Variants in RAB27A observed in about 807,000 individuals in gnomAD.
RAB27A encodes the protein RAB27A, member RAS oncogene family, also known as ras-related protein Rab-27A.
Under a neutral mutation model 20.8 loss-of-function variants are expected in RAB27A, and 17 were observed. That is an observed-to-expected ratio of 0.82 (90% CI 0.56 to 1.23). RAB27A has a LOEUF of 1.23. RAB27A is among the 50% of genes most tolerant of loss of function. RAB27A has a pLI of 0.00. For synonymous variants in RAB27A, 85 were observed against 92.8 expected (o/e 0.92, Z 0.48); for missense variants, 277 against 266.7 (o/e 1.04, Z -0.27).
intron 2 of RAB27A, among the ~76,000 whole-genome samples, chr15:55,303,626 C>CT (rs2054984318): frequency 9.5e-6 from 1 of 105,340 alleles, no homozygotes; most frequent in South Asian, 3.9e-4. Flanking sequence ...GTCGGCCCCC[C>CT]GCCCGGCCAG....
chr15:55,249,657 T>C (rs1896816596), intron 2 of RAB27A, among the ~76,000 whole-genome samples: 1 of 152,234 alleles, frequency 6.6e-6, no homozygotes, highest in South Asian at 2.1e-4. Flanking sequence ...CAAAATTACA[T>C]ACATTCTAGT....
At chr15:55,211,880 C>G in intron 6 of RAB27A, among the ~76,000 whole-genome samples, 1 of 150,586 alleles carries the variant, frequency 6.6e-6, no homozygotes, top group East Asian at 1.9e-4. Context: ...TCCAAAACTA[C>G]TAACTAGAAG....
upstream of RAB27A, among the ~76,000 whole-genome samples, chr15:55,293,190 A>G (rs1347406782): frequency 6.6e-6 from 1 of 152,154 alleles, no homozygotes; most frequent in African/African-American, 2.4e-5. Flanking sequence ...GAATTCATGG[A>G]TTTTAATAAA....
At chr15:55,316,127 T>C (rs897013994) in intron 1 of RAB27A, among the ~76,000 whole-genome samples, 4 of 149,896 alleles carry the variant, frequency 2.7e-5, no homozygotes, top group Non-Finnish European at 5.9e-5. Context: ...AGCTACTACG[T>C]AGGCTGAGGC....
At chr15:55,269,227 T>C (rs1897619945) in intron 2 of RAB27A, among the ~76,000 whole-genome samples, 1 of 152,168 alleles carries the variant, frequency 6.6e-6, no homozygotes, top group African/African-American at 2.4e-5. Flanking sequence ...ACTAATACAA[T>C]ATCCAGAAGT....
intron 6 of RAB27A, among the ~76,000 whole-genome samples, chr15:55,210,075 T>C: frequency 8.7e-6 from 1 of 114,322 alleles, no homozygotes; most frequent in South Asian, 3.0e-4. Flanking sequence ...TGTGTACATA[T>C]ACATATATAC....
At chr15:55,279,806 G>A (rs1403916136) in intron 1 of RAB27A, among the ~76,000 whole-genome samples, 5 of 152,210 alleles carry the variant, frequency 3.3e-5, no homozygotes, top group African/African-American at 7.2e-5. Flanking sequence ...AAGGAAAGCA[G>A]ATGGCCAGGA....
At chr15:55,318,001 TAAG>T (rs1216603521) in intron 1 of RAB27A, 1 of 324,252 alleles carries the variant, frequency 3.1e-6, no homozygotes, top group East Asian at 4.6e-5. Flanking sequence ...TATAAATACA[TAAG>T]GAGTACAGGA....
intron 2 of RAB27A, among the ~76,000 whole-genome samples, chr15:55,240,208 T>C (rs1896425928): frequency 6.6e-6 from 1 of 152,148 alleles, no homozygotes; most frequent in Non-Finnish European, 1.5e-5. Flanking sequence ...ACGTAAATGA[T>C]TTTTGTGTTG....
At chr15:55,257,643 T>G (rs1456016694) in intron 2 of RAB27A, among the ~76,000 whole-genome samples, 1 of 152,172 alleles carries the variant, frequency 6.6e-6, no homozygotes, top group African/African-American at 2.4e-5. Context: ...CTCCTCAGAT[T>G]CCAAACTTAG....
intron 1 of RAB27A, among the ~76,000 whole-genome samples, chr15:55,280,025 A>G (rs1021709948): frequency 4.6e-5 from 7 of 152,158 alleles, no homozygotes; most frequent in African/African-American, 1.7e-4. Flanking sequence ...GAAAATCTGC[A>G]TTTCTATGTT....
At chr15:55,315,783 C>T (rs1008914569) in intron 1 of RAB27A, among the ~76,000 whole-genome samples, 1 of 152,118 alleles carries the variant, frequency 6.6e-6, no homozygotes, top group Non-Finnish European at 1.5e-5. Context: ...TGGAGAAATA[C>T]GAACGCTTTT....
chr15:55,250,899 A>G (rs771146223), intron 2 of RAB27A, among the ~76,000 whole-genome samples: 39 of 152,326 alleles, frequency 2.6e-4, no homozygotes, highest in Middle Eastern at 6.8e-3. Context: ...AAAATCTTAC[A>G]TGGCACCCCA....
chr15:55,258,619 T>C (rs918270968), intron 2 of RAB27A, among the ~76,000 whole-genome samples: 4 of 152,266 alleles, frequency 2.6e-5, no homozygotes, highest in Non-Finnish European at 4.4e-5. Flanking sequence ...GTCAAATTGC[T>C]GTCCAATATA....
intron 2 of RAB27A, chr15:55,269,776 AT>A (rs1167248674): frequency 6.6e-6 from 1 of 152,176 alleles, no homozygotes; most frequent in Non-Finnish European, 1.5e-5. Flanking sequence ...AACAAAAGCT[AT>A]TAATACTATC....
At chr15:55,316,434 TG>T (rs1167633371) in intron 1 of RAB27A, among the ~76,000 whole-genome samples, 1 of 5,270 alleles carries the variant, frequency 1.9e-4, no homozygotes, top group African/African-American at 1.1e-3. Context: ...CGGGGGCGGG[TG>T]GGGGGCAAGG....
chr15:55,218,144 G>C lies in RAB27A; in HGVS notation c.467+5745C>G, dbSNP rs549265025. ...TTCTGTCAAATGGCTGTAGATATTT[G>C]GCTCACATGTAGATCTAGAAATTAT... On this transcript the variant is annotated intron_variant, in intron 6 of 6. Transcript: ENST00000336787. Among the ~76,000 whole-genome samples, 3 of 152,304 alleles carry C rather than the reference G, an allele frequency of 2.0e-5. No individual in the cohort carries two copies. In the East Asian group the frequency reaches 5.8e-4, roughly 29 times the overall value.
intron 1 of RAB27A, among the ~76,000 whole-genome samples, chr15:55,275,044 A>C (rs1396264768): frequency 2.6e-5 from 4 of 151,644 alleles, no homozygotes; most frequent in African/African-American, 9.7e-5. Flanking sequence ...TGAGGTCACG[A>C]GTTCAAGACC....
intron 6 of RAB27A, among the ~76,000 whole-genome samples, chr15:55,218,930 C>T (rs1293052476): frequency 6.6e-6 from 1 of 151,928 alleles, no homozygotes; most frequent in Non-Finnish European, 1.5e-5. Context: ...TTTGTAGAGA[C>T]GGGGTTTCAC....
Sources: gnomAD v4.1 joint callset for allele counts (sites outside exome capture counted in the v4.1 genomes callset) on GRCh38, gnomAD v4.1.1 for gene constraint, MANE v1.5 for transcripts, NCBI Gene and HGNC (gene_info 2026-07-23, HGNC 2026-07-21) for gene names.